PPP4R2: variants seen among roughly 807,000 people sequenced by gnomAD.
PPP4R2 encodes serine/threonine-protein phosphatase 4 regulatory subunit 2.
PPP4R2 carries 13 observed loss-of-function variants against 47.2 expected under a neutral mutation model. The observed-to-expected ratio is 0.28, with a 90% CI of 0.18 to 0.44. The LOEUF (loss-of-function observed/expected upper bound fraction) is 0.44. PPP4R2 is among the 20% of genes least tolerant of loss of function. PPP4R2 has a pLI of 1.00. For missense variants in PPP4R2, 421 were observed against 491.2 expected, an observed-to-expected ratio of 0.86 and a Z score of 1.35; for synonymous variants, 151 against 163.3, an observed-to-expected ratio of 0.92 and a Z score of 0.57.
intron 2 of PPP4R2, among the ~76,000 whole-genome samples, chr3:73,013,721 C>G: frequency 6.6e-6 from 1 of 152,120 alleles, no homozygotes; most frequent in Admixed American, 6.5e-5. Flanking sequence ...TCACTGCAGC[C>G]TCCACCTCCT....
intron 2 of PPP4R2, among the ~76,000 whole-genome samples, chr3:73,001,073 C>T (rs1441696374): frequency 6.6e-6 from 1 of 152,014 alleles, no homozygotes; most frequent in African/African-American, 2.4e-5. Flanking sequence ...AGCTCATTTC[C>T]TGCCCCAGAT....
chr3:73,013,815 A>AT (rs1183497102), intron 2 of PPP4R2, among the ~76,000 whole-genome samples: 1 of 151,808 alleles, frequency 6.6e-6, no homozygotes, highest in Non-Finnish European at 1.5e-5. Context: ...ATTTTTTTGT[A>AT]TTTTTAGTAG....
chr3:73,024,635 T>C (rs1241958188), intron 2 of PPP4R2, among the ~76,000 whole-genome samples: 2 of 152,138 alleles, frequency 1.3e-5, no homozygotes, highest in Non-Finnish European at 1.5e-5. Context: ...TTCTTTTCTC[T>C]CTCCTTCCTT....
chr3:73,054,510 C>T (rs192830164), intron 3 of PPP4R2, among the ~76,000 whole-genome samples: 12 of 152,222 alleles, frequency 7.9e-5, no homozygotes, highest in Non-Finnish European at 1.5e-4. Context: ...AAGTTTAACT[C>T]AGTATTTCTG....
chr3:73,060,384 C>T (rs1342047248), intron 4 of PPP4R2, among the ~76,000 whole-genome samples: 1 of 152,136 alleles, frequency 6.6e-6, no homozygotes, highest in Non-Finnish European at 1.5e-5. Flanking sequence ...ACCAGGTGCC[C>T]TGCCTTTAAA....
intron 2 of PPP4R2, among the ~76,000 whole-genome samples, chr3:73,036,022 T>C (rs977258570): frequency 6.6e-6 from 1 of 152,204 alleles, no homozygotes; most frequent in African/African-American, 2.4e-5. Context: ...ATGGTGTATA[T>C]ATACGCACAC....
At chr3:73,049,257 G>C (rs768057650) in intron 3 of PPP4R2, among the ~76,000 whole-genome samples, 31 of 151,870 alleles carry the variant, frequency 2.0e-4, no homozygotes, top group Admixed American at 6.6e-4. Flanking sequence ...CCAGCACTTT[G>C]GGAGGCCGAG....
At chr3:73,007,994 A>T (rs1480390226) in intron 2 of PPP4R2, among the ~76,000 whole-genome samples, 5 of 151,920 alleles carry the variant, frequency 3.3e-5, no homozygotes, top group Non-Finnish European at 7.4e-5. Flanking sequence ...TTTTAAGTGG[A>T]AAGACTATTA....
intron 8 of PPP4R2, 120 bp downstream of exon 8, chr3:73,065,261 T>G (rs1702967739): frequency 7.6e-7 from 1 of 1,308,794 alleles, no homozygotes; most frequent in Non-Finnish European, 1.0e-6. Context: ...GTTGGGCTTT[T>G]CTCCCACCTG....
intron 2 of PPP4R2, among the ~76,000 whole-genome samples, chr3:73,042,806 G>A (rs976402995): frequency 3.9e-5 from 6 of 152,032 alleles, no homozygotes; most frequent in African/African-American, 1.2e-4. Flanking sequence ...GAATTGCATC[G>A]TATTGATCTA....
At chr3:73,063,496 C>T (rs1040819671) in intron 5 of PPP4R2, among the ~76,000 whole-genome samples, 177 bp from the exon 6 acceptor site, 2 of 151,946 alleles carry the variant, frequency 1.3e-5, no homozygotes, top group Non-Finnish European at 2.9e-5. Flanking sequence ...TGGCATCACA[C>T]GTCTGTCATC....
At chr3:73,059,484 T>C (rs1702797154) in intron 4 of PPP4R2, among the ~76,000 whole-genome samples, 1 of 152,230 alleles carries the variant, frequency 6.6e-6, no homozygotes, top group African/African-American at 2.4e-5. Context: ...TTCTCAATTC[T>C]GGAGTTCAAA....
At chr3:73,037,839 A>G (rs1299436091) in intron 2 of PPP4R2, among the ~76,000 whole-genome samples, 1 of 152,166 alleles carries the variant, frequency 6.6e-6, no homozygotes, top group Non-Finnish European at 1.5e-5. Context: ...TTAAGTGTTT[A>G]TGATGTTTTA....
At chr3:73,020,097 A>G (rs1018709887) in intron 2 of PPP4R2, among the ~76,000 whole-genome samples, 2 of 152,228 alleles carry the variant, frequency 1.3e-5, no homozygotes, top group Admixed American at 6.5e-5. Flanking sequence ...GTGACTTAAT[A>G]GAAATTTATT....
chr3:73,022,674 T>A (rs545959275), intron 2 of PPP4R2, among the ~76,000 whole-genome samples: 1 of 151,932 alleles, frequency 6.6e-6, no homozygotes, highest in African/African-American at 2.4e-5. Context: ...TCAATAAATA[T>A]CATCATTATG....
At chr3:73,004,102 T>C (rs6549494) in intron 2 of PPP4R2, among the ~76,000 whole-genome samples, 133,049 of 151,854 alleles carry the variant, frequency 0.88, 58,665 homozygotes, top group East Asian at 1. Flanking sequence ...TCCCAAAGTG[T>C]TGGGATTACA....
chr3:73,030,135 A>T (rs937094375), intron 2 of PPP4R2, among the ~76,000 whole-genome samples: 6 of 152,242 alleles, frequency 3.9e-5, no homozygotes, highest in Non-Finnish European at 4.4e-5. Flanking sequence ...CAGTGTATTT[A>T]TATTTGTATG....
intron 2 of PPP4R2, among the ~76,000 whole-genome samples, chr3:73,005,173 C>T (rs1701580418): frequency 6.6e-6 from 1 of 152,140 alleles, no homozygotes; most frequent in Admixed American, 6.6e-5. Context: ...AAACTCTTGA[C>T]CTCGTGATCT....
At position 73,065,108 on chromosome 3, in the gene PPP4R2, G is replaced by C. The variant is rs1392991059; in HGVS notation, c.895G>C (p.Glu299Gln). 6.2e-7 allele frequency: 1 copy of C among 1,611,146 alleles called. No homozygotes were observed. Among genetic ancestry groups the C allele is most frequent in the Admixed American group, 1.7e-5 (1 of 59,762 alleles). Residue 299 changes from glutamate to glutamine, a missense_variant, in exon 8 of 9, where the codon GAG (glutamate) becomes CAG (glutamine). Coordinates refer to ENST00000356692, the MANE Select transcript of PPP4R2 (RefSeq NM_174907.4). Reference protein sequence around the residue: ...SRCTRQHCTEEDEEEDEEEEE... With the variant: ...SRCTRQHCTEQDEEEDEEEEE... ...TTGTACCCGGCAGCACTGTACAGAAGAGGATGAAGAAGAGGATGAAGAGGA... is the reference window on the plus strand; with the variant it reads ...TTGTACCCGGCAGCACTGTACAGAACAGGATGAAGAAGAGGATGAAGAGGA...
Sources: allele counts gnomAD v4.1 joint callset (sites outside exome capture counted in the v4.1 genomes callset), GRCh38; gene constraint gnomAD v4.1.1; transcripts MANE v1.5; gene names NCBI Gene and HGNC (gene_info 2026-07-23, HGNC 2026-07-21).